The following FUBP3 variants were observed in gnomAD, a reference collection of about 807,000 sequenced individuals.
The protein encoded by FUBP3 is far upstream element binding protein 3.
In FUBP3, 28 loss-of-function variants were observed where a neutral mutation model predicts 85.6. That is an observed-to-expected ratio of 0.33 (90% CI 0.24 to 0.45). FUBP3 has a LOEUF of 0.45. Ranked by LOEUF, FUBP3 falls within the 20% of genes least tolerant of loss-of-function variation. The pLI is 1.00. For synonymous variants in FUBP3, 271 were observed against 271.4 expected (o/e 1.00, Z 0.01); for missense variants, 583 against 755.1 (o/e 0.77, Z 2.67).
chr9:130,631,840 T>A, intron 14 of FUBP3, 102 bp from the exon 15 acceptor site: 2 of 917,640 alleles, frequency 2.2e-6, no homozygotes, highest in Non-Finnish European at 1.8e-6. Context: ...GGGCAGAGGG[T>A]CTTCTGTCCC....
At position 130,621,993 on chromosome 9, in the gene FUBP3, T is replaced by G. The variant is rs553725050; in HGVS notation, c.772-715T>G. On this transcript the variant is annotated intron_variant, in intron 9 of 18. Coordinates refer to ENST00000319725, the MANE Select transcript of FUBP3 (RefSeq NM_003934.2). ...TCCTTTATTATATCATTTCCAGGAATGCACTATAATAAAAACTAAGTTGCG... is the reference window on the plus strand; with the variant it reads ...TCCTTTATTATATCATTTCCAGGAAGGCACTATAATAAAAACTAAGTTGCG... Among the ~76,000 whole-genome samples, 495 of 151,858 alleles carry G rather than the reference T, an allele frequency of 3.3e-3. 3 individuals are homozygous for G. The highest frequency in any genetic ancestry group is 6.9e-3 in the Admixed American group (105 of 15,250).
chr9:130,584,303 G>A (rs1830252184), intron 1 of FUBP3, among the ~76,000 whole-genome samples: 1 of 151,792 alleles, frequency 6.6e-6, no homozygotes, highest in Non-Finnish European at 1.5e-5. Context: ...CGAGGTGGGC[G>A]GATCACTTGA....
At chr9:130,584,954 G>A (rs1435220404) in intron 1 of FUBP3, among the ~76,000 whole-genome samples, 3 of 152,192 alleles carry the variant, frequency 2.0e-5, no homozygotes, top group Non-Finnish European at 4.4e-5. Flanking sequence ...CTTGAGGTCA[G>A]GATGAGACCA....
chr9:130,636,601 T>C (rs1830430269), intron 18 of FUBP3, among the ~76,000 whole-genome samples: 1 of 152,198 alleles, frequency 6.6e-6, no homozygotes, highest in Non-Finnish European at 1.5e-5. Context: ...GTGCACAACC[T>C]AGAGGGTTCT....
rs981409177 is a variant in FUBP3, at chr9:130,597,683, G to A, written c.190+2095G>A. ...AAAGGGGCTGTGGCAGTCCCCAGAC[G>A]CTGAGATCAACACAGAACTCAAATT... On this transcript the variant is annotated intron_variant, in intron 2 of 18. Coordinates refer to ENST00000319725, the MANE Select transcript of FUBP3 (RefSeq NM_003934.2). Among the ~76,000 whole-genome samples the A allele has an allele frequency of 2.0e-5, 3 of 149,254 alleles. No individual in the cohort carries two copies. In the East Asian group the frequency reaches 6.0e-4, roughly 30 times the overall value.
chr9:130,612,525 A>C lies in FUBP3; in HGVS notation c.274+20A>C. The stretch of plus-strand genomic sequence containing the variant: ...GATTTAGTAAGTATCCATGTTGTCT[A>C]CTTTTTCCCTGATTCCTGTCTCTTC... On this transcript the variant is annotated intron_variant, in intron 4 of 18. Coordinates refer to ENST00000319725, the MANE Select transcript of FUBP3 (RefSeq NM_003934.2). The surrounding 1 kb of genome is among the most constrained non-coding windows in gnomAD (Gnocchi z 4.1). 2 of 1,463,196 alleles carry C rather than the reference A, an allele frequency of 1.4e-6. No individual in the cohort carries two copies. The highest frequency in any genetic ancestry group is 9.6e-7 in the Non-Finnish European group (1 of 1,045,536). The allele number at this position is 1,463,196 out of a possible 1,614,324, so 90.6% of individuals were successfully genotyped here.
intron 1 of FUBP3, among the ~76,000 whole-genome samples, chr9:130,592,790 C>T (rs996288048): frequency 2.6e-5 from 4 of 152,116 alleles, no homozygotes; most frequent in African/African-American, 9.7e-5. Context: ...GCAGTCATCC[C>T]GCTTTGACCT....
intron 9 of FUBP3, 59 bp from the exon 10 acceptor site, chr9:130,622,649 C>A: frequency 2.6e-6 from 2 of 769,712 alleles, no homozygotes; most frequent in South Asian, 1.8e-5. Flanking sequence ...AAAAAAAGTG[C>A]CCTTTAAAAA....
intron 2 of FUBP3, among the ~76,000 whole-genome samples, chr9:130,607,402 C>T (rs1039478788): frequency 6.6e-6 from 1 of 151,774 alleles, no homozygotes; most frequent in Non-Finnish European, 1.5e-5. Context: ...ACAAGGGAAA[C>T]GAGAACTACA....
chr9:130,631,504 G>C, intron 13 of FUBP3, 53 bp from the exon 14 acceptor site: 1 of 1,525,970 alleles, frequency 6.6e-7, no homozygotes, highest in South Asian at 1.1e-5. Flanking sequence ...CCTGGGCAGA[G>C]GAAAGAGGTG....
intron 12 of FUBP3, among the ~76,000 whole-genome samples, chr9:130,627,470 C>T (rs1269376191): frequency 6.6e-6 from 1 of 152,242 alleles, no homozygotes. Context: ...CAGCAGAGAC[C>T]TCCAGAGCTG....
At chr9:130,582,757 TC>T (rs1830187003) in intron 1 of FUBP3, among the ~76,000 whole-genome samples, 1 of 152,232 alleles carries the variant, frequency 6.6e-6, no homozygotes, top group Admixed American at 6.5e-5. Context: ...TTTTAAATGT[TC>T]CTAGAAGGTC....
intron 17 of FUBP3, among the ~76,000 whole-genome samples, chr9:130,634,998 G>A (rs1305274122): frequency 6.6e-6 from 1 of 152,158 alleles, no homozygotes; most frequent in Non-Finnish European, 1.5e-5. Context: ...GGGCTCCAAA[G>A]GACTTGAGGT....
intron 2 of FUBP3, among the ~76,000 whole-genome samples, chr9:130,597,244 A>G (rs1380030897): frequency 2.0e-5 from 3 of 151,040 alleles, no homozygotes; most frequent in Non-Finnish European, 2.9e-5. Context: ...ATTCTTTTTT[A>G]TGGCTGAGTT....
chr9:130,605,204 A>T (rs974957716), intron 2 of FUBP3, among the ~76,000 whole-genome samples: 1 of 152,154 alleles, frequency 6.6e-6, no homozygotes, highest in Non-Finnish European at 1.5e-5. Context: ...GCAGGGCCCA[A>T]CACGTCCCTG....
In FUBP3 at chr9:130,628,098, GCA is replaced by G. The variant is rs753677936; in HGVS notation, c.1117+1595_1117+1596del. 6.6e-3 allele frequency among the ~76,000 whole-genome samples: 768 copies of G among 117,008 alleles called. 8 individuals carry two copies. The highest frequency in any genetic ancestry group is 0.053 in the East Asian group (177 of 3,370). The allele number at this position is 117,008 out of a possible 152,430, so 76.8% of individuals were successfully genotyped here. A position where few individuals can be genotyped will look rare whatever the true frequency, so the allele number is the denominator to read the frequency against. Reference sequence around the variant, plus strand: ...GCACTAAACACACGCACGCACGCACGCACGCGCACACACACACACACACACAC... The same window carrying G: ...GCACTAAACACACGCACGCACGCACGCGCGCACACACACACACACACACAC... On this transcript the variant is annotated intron_variant, in intron 12 of 18. Transcript: ENST00000319725.
chr9:130,633,000 A>T (rs1298444482), intron 16 of FUBP3, among the ~76,000 whole-genome samples: 1 of 152,224 alleles, frequency 6.6e-6, no homozygotes, highest in Non-Finnish European at 1.5e-5. Flanking sequence ...GTGTCTGCAG[A>T]TTCCCACAGC....
intron 1 of FUBP3, among the ~76,000 whole-genome samples, chr9:130,585,709 T>G (rs1830312350): frequency 6.6e-6 from 1 of 152,214 alleles, no homozygotes; most frequent in South Asian, 2.1e-4. Flanking sequence ...CGTGCCCTCT[T>G]TCCATGGAAC....
rs768067181 is a variant in FUBP3, at chr9:130,634,766, G to A, written c.1582+28G>A. 4.5e-6 allele frequency: 7 copies of A among 1,561,134 alleles called. No homozygotes were observed. The African/African-American group carries it at 5.4e-5, about 12-fold the overall frequency. ...GAGTGCCCGGCCCTCCTAACCTGTGGCAGCACAGTCCCCTCCAGCCCAGAG... is the reference window on the plus strand; with the variant it reads ...GAGTGCCCGGCCCTCCTAACCTGTGACAGCACAGTCCCCTCCAGCCCAGAG... On this transcript the variant is annotated intron_variant, in intron 17 of 18. Transcript: ENST00000319725.
Sources: allele counts gnomAD v4.1 joint callset (sites outside exome capture counted in the v4.1 genomes callset), GRCh38; gene constraint gnomAD v4.1.1; non-coding constraint Gnocchi (gnomAD v3.1); transcripts MANE v1.5; gene names NCBI Gene and HGNC (gene_info 2026-07-23, HGNC 2026-07-21).